PARD3B: variants seen among roughly 807,000 people sequenced by gnomAD.
PARD3B encodes the protein partitioning defective 3 homolog B.
Under a neutral mutation model 130.2 loss-of-function variants are expected in PARD3B, and 103 were observed. That is an observed-to-expected ratio of 0.79 (90% CI 0.67 to 0.93). PARD3B has a LOEUF of 0.93. PARD3B is among the 40% of genes least tolerant of loss of function. The pLI is 0.00. For missense variants in PARD3B, 1,609 were observed against 1,499.2 expected (o/e 1.07, Z -1.21); for synonymous variants, 583 against 553.2 (o/e 1.05, Z -0.76).
Position 204,669,472 on chromosome 2 carries a change from G to T in PARD3B, c.121-16709G>T, listed in dbSNP as rs1013766453. Reference sequence around the variant, plus strand: ...TATATAAAGTCACCTCTTATAACTTGCATAACAGTAACCCAACATGCTTTT... The same window carrying T: ...TATATAAAGTCACCTCTTATAACTTTCATAACAGTAACCCAACATGCTTTT... On this transcript the variant is annotated intron_variant, in intron 1 of 22. Coordinates refer to ENST00000406610, the MANE Select transcript of PARD3B (RefSeq NM_001302769.2). The surrounding 1 kb of genome is among the most constrained non-coding windows in gnomAD (Gnocchi z 4.3). Among the ~76,000 whole-genome samples, 1 of 152,038 alleles carries T rather than the reference G, an allele frequency of 6.6e-6. No individual in the cohort carries two copies. The highest frequency in any genetic ancestry group is 6.6e-5 in the Admixed American group (1 of 15,244).
At chr2:205,001,791 G>A (rs977333252) in intron 3 of PARD3B, among the ~76,000 whole-genome samples, 3 of 152,208 alleles carry the variant, frequency 2.0e-5, no homozygotes, top group Non-Finnish European at 4.4e-5. Context: ...ACTTGCACTG[G>A]TGGAAAGTTG....
intron 2 of PARD3B, among the ~76,000 whole-genome samples, chr2:204,800,269 A>G (rs1473866406): frequency 6.6e-6 from 1 of 152,214 alleles, no homozygotes; most frequent in African/African-American, 2.4e-5. Context: ...TCTCAAAAGC[A>G]AAACTGATTA....
At chr2:204,937,571 T>C (rs886194684) in intron 2 of PARD3B, among the ~76,000 whole-genome samples, 1 of 152,202 alleles carries the variant, frequency 6.6e-6, no homozygotes, top group African/African-American at 2.4e-5. Context: ...CAAAAAATTA[T>C]GTGTGCATAT....
intron 21 of PARD3B, among the ~76,000 whole-genome samples, chr2:205,512,165 C>T (rs1450509188): frequency 6.6e-6 from 1 of 152,098 alleles, no homozygotes; most frequent in African/African-American, 2.4e-5. Context: ...CACATACTAA[C>T]GTCTATGACT....
At chr2:205,299,561 T>TTATATATATATATATATATAATA (rs1289898796) in intron 16 of PARD3B, among the ~76,000 whole-genome samples, 1 of 17,240 alleles carries the variant, frequency 5.8e-5, no homozygotes, top group Non-Finnish European at 1.9e-4. Context: ...ATATTATATA[T>TTATATATATATATATATATAATA]TATATATATA....
chr2:205,055,906 C>T (rs1185099573), intron 4 of PARD3B, among the ~76,000 whole-genome samples: 4 of 152,098 alleles, frequency 2.6e-5, no homozygotes, highest in Admixed American at 6.6e-5. Flanking sequence ...CCTACATATG[C>T]GTATGTGTGT....
intron 15 of PARD3B, among the ~76,000 whole-genome samples, chr2:205,225,624 A>G (rs938442448): frequency 2.8e-4 from 42 of 152,352 alleles, no homozygotes; most frequent in African/African-American, 9.4e-4. Context: ...CAGGCTGTAC[A>G]AGAAGCATGA....
At chr2:204,786,033 GA>G (rs1444859671) in intron 2 of PARD3B, among the ~76,000 whole-genome samples, 1 of 149,214 alleles carries the variant, frequency 6.7e-6, no homozygotes, top group Non-Finnish European at 1.5e-5. Flanking sequence ...AGAATCACTT[GA>G]ACCCGGGAGG....
chr2:205,282,295 CTCTT>C (rs2041219244), intron 16 of PARD3B, among the ~76,000 whole-genome samples: 1 of 151,850 alleles, frequency 6.6e-6, no homozygotes. Context: ...TCTTCCTGGT[CTCTT>C]TCTTTTCATT....
chr2:205,065,818 G>T (rs548721245), intron 4 of PARD3B, among the ~76,000 whole-genome samples: 34 of 202 alleles, frequency 0.17, 1 homozygote, highest in East Asian at 0.5. Context: ...CTTGCCAGAA[G>T]CCAGGCCATG....
chr2:205,406,877 G>C, intron 19 of PARD3B, among the ~76,000 whole-genome samples: 1 of 151,908 alleles, frequency 6.6e-6, no homozygotes, highest in Non-Finnish European at 1.5e-5. Context: ...CATCATGTTG[G>C]CCAGGATGGC....
At chr2:205,113,422 GTAT>G in intron 5 of PARD3B, 66 bp from the exon 6 acceptor site, 2 of 859,132 alleles carry the variant, frequency 2.3e-6, no homozygotes, top group Non-Finnish European at 3.8e-6. Context: ...GTGTGTGTGT[GTAT>G]TTTAGATGTG....
chr2:204,921,717 C>G (rs997040331), intron 2 of PARD3B, among the ~76,000 whole-genome samples: 2 of 151,876 alleles, frequency 1.3e-5, no homozygotes, highest in African/African-American at 4.8e-5. Flanking sequence ...TTGGAGCAAG[C>G]CTGTGTCATG....
chr2:204,875,434 A>G (rs1293452146), intron 2 of PARD3B, among the ~76,000 whole-genome samples: 2 of 152,140 alleles, frequency 1.3e-5, no homozygotes, highest in South Asian at 2.1e-4. Flanking sequence ...AGTCAATTAG[A>G]ACAGTACTCT....
intron 1 of PARD3B, among the ~76,000 whole-genome samples, chr2:204,546,506 A>G (rs2029949876): frequency 6.6e-6 from 1 of 152,186 alleles, no homozygotes; most frequent in African/African-American, 2.4e-5. Context: ...CTGCTCACCT[A>G]AGTGTGATTT....
intron 2 of PARD3B, among the ~76,000 whole-genome samples, chr2:204,924,307 G>C (rs1575319799): frequency 6.6e-6 from 1 of 152,074 alleles, no homozygotes; most frequent in South Asian, 2.1e-4. Context: ...AATGTTAAGA[G>C]AATGAAATCT....
rs114832974 is a variant in PARD3B at position 205,142,384 on chromosome 2, A to G, written c.1435-16338A>G. Among the ~76,000 whole-genome samples, 4,206 of 152,320 alleles carry G rather than the reference A, an allele frequency of 0.028. 188 individuals are homozygous for G. Among genetic ancestry groups the G allele is most frequent in the African/African-American group, 0.096 (3,977 of 41,560 alleles). ...GATTTTGGTAGATAAGATGAAAGACATAGTAGTCGCTTTTGGGAGGGAACT... is the reference window on the plus strand; with the variant it reads ...GATTTTGGTAGATAAGATGAAAGACGTAGTAGTCGCTTTTGGGAGGGAACT... On this transcript the variant is annotated intron_variant, in intron 10 of 22. Coordinates refer to ENST00000406610, the MANE Select transcript of PARD3B (RefSeq NM_001302769.2). The surrounding 1 kb of genome is among the most constrained non-coding windows in gnomAD (Gnocchi z 4.3).
At chr2:205,234,464 T>G (rs944302260) in intron 15 of PARD3B, among the ~76,000 whole-genome samples, 1 of 152,200 alleles carries the variant, frequency 6.6e-6, no homozygotes, top group African/African-American at 2.4e-5. Context: ...TTTCATAGCT[T>G]TAATGGAACC....
chr2:204,607,847 G>A (rs2033782837), intron 1 of PARD3B, among the ~76,000 whole-genome samples: 1 of 152,162 alleles, frequency 6.6e-6, no homozygotes, highest in Admixed American at 6.5e-5. Context: ...GAGTTTTACA[G>A]CTGATCTAGA....
Sources: gnomAD v4.1 joint callset for allele counts (sites outside exome capture counted in the v4.1 genomes callset) on GRCh38, gnomAD v4.1.1 for gene constraint, Gnocchi (gnomAD v3.1) non-coding constraint, MANE v1.5 for transcripts, NCBI Gene and HGNC (gene_info 2026-07-23, HGNC 2026-07-21) for gene names.